NKAIN2: variants seen among roughly 807,000 people sequenced by gnomAD.
The protein encoded by NKAIN2 is sodium/potassium transporting ATPase interacting 2.
In NKAIN2, 14 loss-of-function variants were observed where a neutral mutation model predicts 32.6. That is an observed-to-expected ratio of 0.43 (90% CI 0.28 to 0.67). The LOEUF (loss-of-function observed/expected upper bound fraction) is 0.67, where lower values mean the gene tolerates loss of function less well. Among genes scored for constraint, NKAIN2 ranks in the 30% least tolerant of loss-of-function variants. NKAIN2 has a pLI of 0.17. For missense variants in NKAIN2, 198 were observed against 258.3 expected, an observed-to-expected ratio of 0.77 and a Z score of 1.60; for synonymous variants, 80 against 87.2, an observed-to-expected ratio of 0.92 and a Z score of 0.46.
At chr6:124,624,759 A>G (rs1282443201) in intron 3 of NKAIN2, among the ~76,000 whole-genome samples, 2 of 152,164 alleles carry the variant, frequency 1.3e-5, no homozygotes, top group Admixed American at 6.5e-5. Flanking sequence ...ACACAAGTCT[A>G]TTTGTGGTTT....
At chr6:124,364,803 G>C (rs1285642476) in intron 3 of NKAIN2, among the ~76,000 whole-genome samples, 3 of 151,840 alleles carry the variant, frequency 2.0e-5, no homozygotes, top group East Asian at 1.9e-4. Context: ...AAGGAAAGAA[G>C]ATAATGGAAA....
intron 1 of NKAIN2, among the ~76,000 whole-genome samples, chr6:124,115,818 T>C (rs1040686239): frequency 2.6e-5 from 4 of 152,036 alleles, no homozygotes; most frequent in Non-Finnish European, 4.4e-5. Context: ...TTCAGAAATA[T>C]TAAAATGTGA....
intron 4 of NKAIN2, among the ~76,000 whole-genome samples, chr6:124,708,585 T>C (rs28881801): frequency 0.45 from 66,675 of 149,202 alleles, 14,930 homozygotes; most frequent in African/African-American, 0.52. Flanking sequence ...TTCCTAGGTA[T>C]TTTATTCTCT....
chr6:124,189,471 TG>T (rs1359066405), intron 1 of NKAIN2, among the ~76,000 whole-genome samples: 1 of 151,898 alleles, frequency 6.6e-6, no homozygotes, highest in Non-Finnish European at 1.5e-5. Flanking sequence ...GAGGCCGAGG[TG>T]GGCAGATCAC....
chr6:124,367,665 G>GT (rs1799580169), intron 3 of NKAIN2, among the ~76,000 whole-genome samples: 1 of 152,088 alleles, frequency 6.6e-6, no homozygotes, highest in African/African-American at 2.4e-5. Context: ...CATATTTTGA[G>GT]TTGTAAGGAT....
intron 1 of NKAIN2, among the ~76,000 whole-genome samples, chr6:124,195,792 T>A (rs1790285279): frequency 6.6e-6 from 1 of 152,114 alleles, no homozygotes; most frequent in South Asian, 2.1e-4. Flanking sequence ...TAAATGGCTA[T>A]TTTTTTGTTG....
chr6:124,522,854 AG>A (rs1430877129), intron 3 of NKAIN2, among the ~76,000 whole-genome samples: 1 of 150,878 alleles, frequency 6.6e-6, no homozygotes, highest in Non-Finnish European at 1.5e-5. Flanking sequence ...TAAGAAAAAA[AG>A]ATCTTTGGCC....
At chr6:124,484,850 T>C (rs575803621) in intron 3 of NKAIN2, among the ~76,000 whole-genome samples, 4 of 152,214 alleles carry the variant, frequency 2.6e-5, no homozygotes, top group African/African-American at 9.6e-5. Context: ...CTGTTGGGGG[T>C]GCAGGACTTA....
chr6:123,844,500 G>A (rs918174981), intron 1 of NKAIN2, among the ~76,000 whole-genome samples: 5 of 151,814 alleles, frequency 3.3e-5, no homozygotes, highest in African/African-American at 4.8e-5. Flanking sequence ...TCTGTTACTC[G>A]TCTCCCCTTA....
chr6:124,095,421 A>G (rs1784609505), intron 1 of NKAIN2, among the ~76,000 whole-genome samples: 1 of 152,180 alleles, frequency 6.6e-6, no homozygotes, highest in Admixed American at 6.5e-5. Context: ...AATTTTGTGC[A>G]TTACGTACAT....
chr6:124,293,447 A>G (rs150992262), intron 2 of NKAIN2, among the ~76,000 whole-genome samples: 1,830 of 152,234 alleles, frequency 0.012, 15 homozygotes, highest in Middle Eastern at 0.034. Context: ...AAGAAAATAA[A>G]TTGGGGAAAC....
At chr6:124,319,355 T>A (rs9401725) in intron 2 of NKAIN2, among the ~76,000 whole-genome samples, 19,449 of 152,090 alleles carry the variant, frequency 0.13, 1,527 homozygotes, top group East Asian at 0.24. Flanking sequence ...TACCTAGTTG[T>A]TCTCCAAAGA....
chr6:124,187,696 T>A (rs1165364481), intron 1 of NKAIN2, among the ~76,000 whole-genome samples: 2 of 152,274 alleles, frequency 1.3e-5, no homozygotes, highest in Middle Eastern at 3.4e-3. Flanking sequence ...CCCTCATCCT[T>A]TTTAACAACA....
At chr6:123,977,661 C>A (rs1173397473) in intron 1 of NKAIN2, among the ~76,000 whole-genome samples, 2 of 152,094 alleles carry the variant, frequency 1.3e-5, no homozygotes, top group African/African-American at 2.4e-5. Flanking sequence ...TTACTGAATG[C>A]CAGAGATCCT....
chr6:123,869,088 G>A (rs189644332), intron 1 of NKAIN2, among the ~76,000 whole-genome samples: 1 of 152,126 alleles, frequency 6.6e-6, no homozygotes, highest in Admixed American at 6.5e-5. Flanking sequence ...TAAATATAAA[G>A]TGCTTTAAAG....
intron 1 of NKAIN2, among the ~76,000 whole-genome samples, chr6:124,202,139 A>G (rs1421533309): frequency 1.3e-5 from 2 of 151,886 alleles, no homozygotes; most frequent in Non-Finnish European, 2.9e-5. Flanking sequence ...TAGCAGGGCC[A>G]TTATTTAAGT....
At chr6:123,852,040 A>C (rs553409104) in intron 1 of NKAIN2, among the ~76,000 whole-genome samples, 3 of 152,288 alleles carry the variant, frequency 2.0e-5, no homozygotes, top group East Asian at 3.9e-4. Context: ...GACCAGTGTC[A>C]TGAAGCTTTA....
At chr6:124,816,781 G>A (rs1187648713) in intron 5 of NKAIN2, among the ~76,000 whole-genome samples, 2 of 152,018 alleles carry the variant, frequency 1.3e-5, no homozygotes, top group African/African-American at 4.8e-5. Context: ...GTGTCCTAGG[G>A]CATTTTGATT....
At chr6:124,189,635 T>C (rs1455770562) in intron 1 of NKAIN2, among the ~76,000 whole-genome samples, 3 of 152,080 alleles carry the variant, frequency 2.0e-5, no homozygotes, top group African/African-American at 7.2e-5. Flanking sequence ...GAGCCGAGAT[T>C]GTGCCATTGA....
Sources: gnomAD v4.1 joint callset for allele counts (sites outside exome capture counted in the v4.1 genomes callset) on GRCh38, gnomAD v4.1.1 for gene constraint, MANE v1.5 for transcripts, NCBI Gene and HGNC (gene_info 2026-07-23, HGNC 2026-07-21) for gene names.